The following PHRF1 variants were observed in gnomAD, a reference collection of about 807,000 sequenced individuals.
PHRF1 encodes PHD and RING finger domain-containing protein 1.
In PHRF1, 53 loss-of-function variants were observed where a neutral mutation model predicts 128.9. The observed-to-expected ratio is 0.41, with a 90% CI of 0.33 to 0.52. The LOEUF (loss-of-function observed/expected upper bound fraction) is 0.52. Ranked by LOEUF, PHRF1 falls within the 20% of genes least tolerant of loss-of-function variation. The pLI is 0.21. For missense variants in PHRF1, 2,503 were observed against 2,284.5 expected (o/e 1.10, Z -1.95); for synonymous variants, 1,178 against 980.6 (o/e 1.20, Z -3.76).
chr11:608,225 A>G lies in PHRF1; in HGVS notation c.2769A>G (p.Thr923=). ...GASDTEREEP[T]ESQGLAARLR... ...CTGACACGGAGCGAGAGGAGCCCAC[A>G]GAGAGCCAGGGCCTGGCTGCCCGGC... is the stretch of plus-strand genomic sequence containing the variant. The change falls in exon 14 of 18, where the codon ACA becomes ACG. Residue 923 remains threonine (T), a synonymous_variant. Transcript: ENST00000264555. The G allele has an allele frequency of 6.2e-7, 1 of 1,609,762 alleles. No individual in the cohort carries two copies. Among genetic ancestry groups the G allele is most frequent in the South Asian group, 1.1e-5 (1 of 91,076 alleles).
chr11:611,129 T>A, intron 17 of PHRF1, 47 bp downstream of exon 17: 1 of 1,602,194 alleles, frequency 6.2e-7, no homozygotes. Context: ...TCACGGGCGG[T>A]ACGTCGCTGC....
At position 610,632 on chromosome 11, in the gene PHRF1, G is replaced by C; in HGVS notation, c.4548G>C (p.Gln1516His). 1 of 1,605,574 alleles carries C rather than the reference G, an allele frequency of 6.2e-7. No homozygotes were observed. The highest frequency in any genetic ancestry group is 8.5e-7 in the Non-Finnish European group (1 of 1,179,818). Reference sequence around the variant, plus strand: ...CGCTAGTGGGCTGTGGGGCAGCACAGACCCTGGCCCCAGTGCCCGCTGCCC... The same window carrying C: ...CGCTAGTGGGCTGTGGGGCAGCACACACCCTGGCCCCAGTGCCCGCTGCCC... ...SLPLVGCGAA[Q>H]TLAPVPAALT... The change falls in exon 16 of 18, where the codon CAG becomes CAC. Residue 1516 changes from glutamine (Q) to histidine (H), a missense_variant. Gln to His is a conservative substitution (Grantham distance 24). Transcript: ENST00000264555.
rs1855628265 is a variant in PHRF1, at chr11:601,569, C to T, written c.1025-5C>T. On this transcript the variant is annotated splice_region_variant and splice_polypyrimidine_tract_variant and intron_variant, in intron 9 of 17. Transcript: ENST00000264555. ...GAAGCACAGACTTCAACCTCTTTTC[C>T]TTAGGAAGACGGAAGAAAGTGCCGG... is the stretch of plus-strand genomic sequence containing the variant. 2 of 1,613,512 alleles carry T rather than the reference C, an allele frequency of 1.2e-6. No homozygotes were observed. The highest frequency in any genetic ancestry group is 1.7e-5 in the Admixed American group (1 of 59,964).
chr11:588,711 C>G (rs540834873), intron 4 of PHRF1, among the ~76,000 whole-genome samples: 1 of 151,564 alleles, frequency 6.6e-6, no homozygotes, highest in Non-Finnish European at 1.5e-5. Flanking sequence ...GTAGATTTTT[C>G]TTTTGGCAAG....
Position 605,731 on chromosome 11 carries a change from G to A in PHRF1, c.1454+7G>A, listed in dbSNP as rs746557142. ...TCTCCGTGGGGCTTTCCAGGTGTGT[G>A]AGGGCAGAGGCTTCTGGGGAGGTGG... On this transcript the variant is annotated splice_region_variant and intron_variant, in intron 12 of 17. Transcript: ENST00000264555. The A allele has an allele frequency of 1.9e-6, 3 of 1,605,164 alleles. No homozygotes were observed. The highest frequency in any genetic ancestry group is 2.2e-5 in the South Asian group (2 of 90,596).
intron 6 of PHRF1, among the ~76,000 whole-genome samples, chr11:595,438 C>T (rs528390236): frequency 1.2e-4 from 18 of 152,374 alleles, no homozygotes; most frequent in Middle Eastern, 3.4e-3. Context: ...AGTGCAGGGG[C>T]TCACTGAGGC....
chr11:611,507 G>A, intron 17 of PHRF1, 127 bp from the exon 18 acceptor site: 1 of 1,365,320 alleles, frequency 7.3e-7, no homozygotes, highest in Non-Finnish European at 1.0e-6. Context: ...GCCGCCGTCT[G>A]TCTGCGTGCT....
chr11:597,467 G>T lies in PHRF1; in HGVS notation c.791G>T (p.Arg264Leu), dbSNP rs749964878. ...ADVVPTTSRLRPRAGRTRAIA... is the reference protein window; with the variant it reads ...ADVVPTTSRLLPRAGRTRAIA... ...GTGGTGCCCACCACCAGCAGGCTTC[G>T]GCCTCGAGCAGGTAGGACCCGGGCG... The change falls in exon 8 of 18, where the codon CGG (arginine) becomes CTG (leucine). Residue 264 changes from arginine (R) to leucine (L), a missense_variant. Transcript: ENST00000264555. The surrounding 1 kb of genome is among the most constrained non-coding windows in gnomAD (Gnocchi z 6.5). The T allele has an allele frequency of 6.2e-7, 1 of 1,612,542 alleles. No individual in the cohort carries two copies. The highest frequency in any genetic ancestry group is 1.1e-5 in the South Asian group (1 of 90,778).
chr11:591,568 G>A, intron 5 of PHRF1, 101 bp downstream of exon 5: 1 of 1,007,890 alleles, frequency 9.9e-7, no homozygotes, highest in Non-Finnish European at 1.4e-6. Flanking sequence ...CTGAAATGAG[G>A]GTTGGTTAAA....
intron 6 of PHRF1, among the ~76,000 whole-genome samples, chr11:593,132 G>A (rs554270768): frequency 6.6e-6 from 1 of 152,366 alleles, no homozygotes; most frequent in Non-Finnish European, 1.5e-5. Context: ...GAGAGCGCCT[G>A]CTCTGGCCCT....
chr11:606,741 C>T (rs1000729373), intron 13 of PHRF1, 145 bp downstream of exon 13: 4 of 1,235,912 alleles, frequency 3.2e-6, no homozygotes, highest in African/African-American at 3.0e-5. Context: ...GCATTGATTT[C>T]CCTTCTTGAG....
intron 3 of PHRF1, among the ~76,000 whole-genome samples, chr11:585,814 G>A (rs956997696): frequency 6.6e-6 from 1 of 150,786 alleles, no homozygotes; most frequent in African/African-American, 2.5e-5. Context: ...CCAAGTAGCT[G>A]GGACTATAGG....
intron 4 of PHRF1, among the ~76,000 whole-genome samples, chr11:588,041 C>T (rs1021731009): frequency 1.3e-5 from 2 of 152,166 alleles, no homozygotes; most frequent in African/African-American, 2.4e-5. Flanking sequence ...GAGGATGACT[C>T]ATGAGTCCCC....
intron 9 of PHRF1, 43 bp downstream of exon 9, chr11:598,545 G>A: frequency 6.3e-7 from 1 of 1,581,562 alleles, no homozygotes. Context: ...CACAGGCTGG[G>A]ACCCACGCCC....
At position 607,064 on chromosome 11, in the gene PHRF1, A is replaced by G. The variant is rs1188971665; in HGVS notation, c.1610-2A>G. 1.4e-5 allele frequency: 21 copies of G among 1,548,630 alleles called. No homozygotes were observed. Among genetic ancestry groups the G allele is most frequent in the African/African-American group, 1.1e-4 (8 of 71,922 alleles). On this transcript the variant is annotated splice_acceptor_variant, in intron 13 of 17. Transcript: ENST00000264555. LOFTEE classifies it high-confidence loss of function. ...ATTGCCATTGACTTTTTTGTTTTTT[A>G]GCTCCAGTTTCTTTTCAGCGAAACT...
At chr11:593,442 C>T (rs369836529) in intron 6 of PHRF1, among the ~76,000 whole-genome samples, 15 of 152,360 alleles carry the variant, frequency 9.8e-5, no homozygotes, top group South Asian at 2.1e-4. Context: ...CGGCTGGAGC[C>T]GCACCGAGGA....
chr11:612,071 G>C lies in PHRF1; in HGVS notation c.*294G>C. 3 of 449,230 alleles carry C rather than the reference G, an allele frequency of 6.7e-6. No individual in the cohort carries two copies. The highest frequency in any genetic ancestry group is 7.9e-6 in the Non-Finnish European group (2 of 254,622). The allele number at this position is 449,230 out of a possible 1,614,324, so 27.8% of individuals were successfully genotyped here. A position where few individuals can be genotyped will look rare whatever the true frequency, so the allele number is the denominator to read the frequency against. On this transcript the variant is annotated 3_prime_UTR_variant, in exon 18 of 18. Transcript: ENST00000264555. ...GATTATCTTTAGAAACCTCTTGATTGACTTACTACTTGGAAGATAAAGCAC... is the reference window on the plus strand; with the variant it reads ...GATTATCTTTAGAAACCTCTTGATTCACTTACTACTTGGAAGATAAAGCAC...
In PHRF1 at chr11:608,919, C is replaced by G. The variant is rs1305835276; in HGVS notation, c.3463C>G (p.Pro1155Ala). 2 of 1,611,866 alleles carry G rather than the reference C, an allele frequency of 1.2e-6. No individual in the cohort carries two copies. The highest frequency in any genetic ancestry group is 1.7e-6 in the Non-Finnish European group (2 of 1,179,674). Residue 1155 changes from proline to alanine, a missense_variant, in exon 14 of 18, where the codon CCC (proline) becomes GCC (alanine). By Grantham distance (27) the Pro-to-Ala change is conservative. Transcript: ENST00000264555. ...RPDRKESVAW[P>A]RDRRKRRSRS... ...AGACAGGAAGGAGAGTGTGGCGTGG[C>G]CCCGAGACCGGAGGAAGCGGAGGTC...
At position 606,446 on chromosome 11, in the gene PHRF1, C is replaced by T. The variant is rs746584881; in HGVS notation, c.1459C>T (p.Arg487Cys). 3.6e-5 allele frequency: 56 copies of T among 1,548,258 alleles called. No individual in the cohort carries two copies. The highest frequency in any genetic ancestry group is 4.6e-5 in the Non-Finnish European group (53 of 1,152,484). The change falls in exon 13 of 18, where the codon CGC becomes TGC. Residue 487 changes from arginine (R) to cysteine (C), a missense_variant. By Grantham distance (180) the Arg-to-Cys change is radical. Coordinates refer to ENST00000264555, the MANE Select transcript of PHRF1 (RefSeq NM_001286581.2). ...RPVSVGLSRR[R>C]LPAAVPEPDL... ...GCCTTGGGTCTGTGCCCACAGGAGG[C>T]GCCTCCCTGCCGCGGTGCCAGAGCC...
Sources: gnomAD v4.1 joint callset for allele counts (sites outside exome capture counted in the v4.1 genomes callset) on GRCh38, gnomAD v4.1.1 for gene constraint, Gnocchi (gnomAD v3.1) non-coding constraint, MANE v1.5 for transcripts, NCBI Gene and HGNC (gene_info 2026-07-23, HGNC 2026-07-21) for gene names.